The following DCHS2 variants were observed in gnomAD, a reference collection of about 807,000 sequenced individuals.
DCHS2 encodes dachsous cadherin-related 2.
DCHS2 carries 142 observed loss-of-function variants against 182.4 expected under a neutral mutation model. The observed-to-expected ratio is 0.78, with a 90% CI of 0.68 to 0.89. DCHS2 has a LOEUF of 0.89. Among genes scored for constraint, DCHS2 ranks in the 40% least tolerant of loss-of-function variants. The pLI is 0.00. For missense variants in DCHS2, 4,319 were observed against 4,198.6 expected, an observed-to-expected ratio of 1.03 and a Z score of -0.79; for synonymous variants, 1,740 against 1,663.3, an observed-to-expected ratio of 1.05 and a Z score of -1.12.
chr4:154,409,842 A>G (rs1732549024), intron 1 of DCHS2, among the ~76,000 whole-genome samples: 1 of 152,200 alleles, frequency 6.6e-6, no homozygotes. Flanking sequence ...CTAACAACCT[A>G]TGCTCTTGCC....
chr4:154,491,706 G>A lies in DCHS2; in HGVS notation c.-351C>T, dbSNP rs1728844359. ...TGGTTGTTCCCCCCTGGTAAAGTCA[G>A]GTGCATTATTTCTTTTGCCAAAAAG... is the stretch of plus-strand genomic sequence containing the variant. On this transcript the variant is annotated 5_prime_UTR_variant, in exon 1 of 20. Coordinates refer to ENST00000357232, the MANE Select transcript of DCHS2 (RefSeq NM_001358235.2). The A allele has an allele frequency of 2.7e-6, 3 of 1,102,486 alleles. No homozygotes were observed. The highest frequency in any genetic ancestry group is 8.4e-5 in the South Asian group (2 of 23,868). The allele number at this position is 1,102,486 out of a possible 1,614,324, so 68.3% of individuals were successfully genotyped here. A position where few individuals can be genotyped will look rare whatever the true frequency, so the allele number is the denominator to read the frequency against.
intron 5 of DCHS2, 72 bp from the exon 6 acceptor site, chr4:154,329,782 A>G: frequency 7.4e-7 from 1 of 1,346,812 alleles, no homozygotes. Context: ...CCATTTCCAG[A>G]AGGAAAACCA....
intron 1 of DCHS2, among the ~76,000 whole-genome samples, chr4:154,472,645 A>AT (rs1735520039): frequency 6.6e-6 from 1 of 152,138 alleles, no homozygotes; most frequent in Non-Finnish European, 1.5e-5. Context: ...TATAATAGTA[A>AT]TTTTTTAATG....
chr4:154,240,329 TG>T (rs1436519487), intron 18 of DCHS2, among the ~76,000 whole-genome samples: 1 of 150,494 alleles, frequency 6.6e-6, no homozygotes, highest in Non-Finnish European at 1.5e-5. Flanking sequence ...AAAATACATA[TG>T]TAGTAAACTA....
chr4:154,377,530 A>G (rs1431384543), intron 1 of DCHS2, 86 bp from the exon 2 acceptor site: 9 of 1,049,714 alleles, frequency 8.6e-6, no homozygotes, highest in Non-Finnish European at 1.2e-5. Flanking sequence ...CAATTTGCAC[A>G]ACCACATAAC....
chr4:154,476,948 TAAGA>T (rs1417738202), intron 1 of DCHS2, among the ~76,000 whole-genome samples: 1 of 129,378 alleles, frequency 7.7e-6, no homozygotes, highest in Non-Finnish European at 1.7e-5. Flanking sequence ...ATGATATTTT[TAAGA>T]AACAAGTAAA....
intron 15 of DCHS2, among the ~76,000 whole-genome samples, chr4:154,257,855 C>A (rs183190444): frequency 6.6e-6 from 1 of 152,314 alleles, no homozygotes; most frequent in East Asian, 1.9e-4. Context: ...TACAAGTCTG[C>A]CATAATTTGA....
intron 1 of DCHS2, among the ~76,000 whole-genome samples, chr4:154,395,281 C>T (rs1310441100): frequency 2.0e-5 from 3 of 152,154 alleles, no homozygotes; most frequent in Non-Finnish European, 4.4e-5. Flanking sequence ...GGTCACACTC[C>T]ACCTGGAGAA....
At chr4:154,466,572 C>T (rs1020086131) in intron 1 of DCHS2, among the ~76,000 whole-genome samples, 2 of 152,164 alleles carry the variant, frequency 1.3e-5, no homozygotes, top group African/African-American at 4.8e-5. Context: ...TGGTCAGGAC[C>T]TTGCATTCTT....
chr4:154,430,765 G>A (rs1733527635), intron 1 of DCHS2, among the ~76,000 whole-genome samples: 1 of 151,978 alleles, frequency 6.6e-6, no homozygotes, highest in Non-Finnish European at 1.5e-5. Context: ...TTGCTTTTGG[G>A]GATTCAATTT....
At chr4:154,240,235 T>A (rs1327718238) in intron 18 of DCHS2, among the ~76,000 whole-genome samples, 1 of 151,806 alleles carries the variant, frequency 6.6e-6, no homozygotes, top group Non-Finnish European at 1.5e-5. Flanking sequence ...ATGCAAACAG[T>A]CTTATCAGTG....
intron 1 of DCHS2, among the ~76,000 whole-genome samples, chr4:154,440,704 C>T (rs970493057): frequency 6.6e-6 from 1 of 152,054 alleles, no homozygotes; most frequent in African/African-American, 2.4e-5. Flanking sequence ...AATCATAAGC[C>T]ATTGTGTTTC....
intron 3 of DCHS2, among the ~76,000 whole-genome samples, chr4:154,339,867 T>C (rs1242752370): frequency 2.0e-5 from 3 of 152,212 alleles, no homozygotes; most frequent in African/African-American, 7.2e-5. Context: ...CTAATACATA[T>C]ACGATGTGTA....
In DCHS2 at chr4:154,235,247, G is replaced by C. The variant is rs138106573; in HGVS notation, c.9405C>G (p.Ile3135Met). 1.2e-6 allele frequency: 2 copies of C among 1,613,930 alleles called. No individual in the cohort carries two copies. Among genetic ancestry groups the C allele is most frequent in the East Asian group, 4.5e-5 (2 of 44,852 alleles). Residue 3135 changes from isoleucine to methionine, a missense_variant, in exon 20 of 20, where the codon ATC (isoleucine) becomes ATG (methionine). Coordinates refer to ENST00000357232, the MANE Select transcript of DCHS2 (RefSeq NM_001358235.2). ...DHESRVPDSGIPRDSDQLSCL... is the reference protein window; with the variant it reads ...DHESRVPDSGMPRDSDQLSCL... ...AGGAGAGCTGGTCTGAGTCCCTCGGGATACCCGAGTCTGGCACCCTGGACT... is the reference window on the plus strand; with the variant it reads ...AGGAGAGCTGGTCTGAGTCCCTCGGCATACCCGAGTCTGGCACCCTGGACT...
chr4:154,457,495 C>T (rs1268935585), intron 1 of DCHS2, among the ~76,000 whole-genome samples: 1 of 152,170 alleles, frequency 6.6e-6, no homozygotes, highest in Non-Finnish European at 1.5e-5. Context: ...TCCGTGGCAA[C>T]ATTTAAGAAT....
chr4:154,490,991 G>C lies in DCHS2; in HGVS notation c.365C>G (p.Thr122Ser), dbSNP rs1349222024. 1 of 1,550,470 alleles carries C rather than the reference G, an allele frequency of 6.4e-7. No homozygotes were observed. ...GCGCCGCGCAGTGCGGATGATGCCG[G>C]TGTCCGGGTGCACGTGGAAGTCGTC... is the stretch of plus-strand genomic sequence containing the variant. Reference protein sequence around the residue: ...LLDDFHVHPDTGIIRTARRLD... With the variant: ...LLDDFHVHPDSGIIRTARRLD... Residue 122 changes from threonine (T) to serine (S), a missense_variant, in exon 1 of 20, where the codon ACC becomes AGC. Coordinates refer to ENST00000357232, the MANE Select transcript of DCHS2 (RefSeq NM_001358235.2).
rs778458376 is a variant in DCHS2 at position 154,298,254 on chromosome 4, G to A, written c.6060C>T (p.Thr2020=). The A allele has an allele frequency of 1.9e-6, 3 of 1,614,136 alleles. No individual in the cohort carries two copies. Among genetic ancestry groups the A allele is most frequent in the Admixed American group, 1.7e-5 (1 of 60,024 alleles). ...TGACATATACTTTTATAATTACAGT[G>A]GTGCTTCGTGAACCCTGGATGCTAC... The part of the protein sequence containing the change: ...RDCSIQGSRS[T]TVIIKVYVTD... Residue 2020 remains threonine (T), a synonymous_variant, in exon 13 of 20, where the codon ACC becomes ACT. Transcript: ENST00000357232.
chr4:154,355,307 G>T (rs930296933), intron 3 of DCHS2, among the ~76,000 whole-genome samples: 1 of 132,248 alleles, frequency 7.6e-6, no homozygotes, highest in Admixed American at 7.8e-5. Flanking sequence ...TAATTATAAT[G>T]CATTAGCATG....
intron 1 of DCHS2, among the ~76,000 whole-genome samples, chr4:154,416,459 A>G (rs1732836826): frequency 6.6e-6 from 1 of 152,152 alleles, no homozygotes; most frequent in African/African-American, 2.4e-5. Flanking sequence ...CCACCCGACG[A>G]GGAATACGTC....
Sources: allele counts gnomAD v4.1 joint callset (sites outside exome capture counted in the v4.1 genomes callset), GRCh38; gene constraint gnomAD v4.1.1; transcripts MANE v1.5; gene names NCBI Gene and HGNC (gene_info 2026-07-23, HGNC 2026-07-21).